The following ANK2 variants were observed in gnomAD, a reference collection of about 807,000 sequenced individuals.
ANK2 encodes the protein ankyrin 2, also known as ankyrin-2.
ANK2 carries 83 observed loss-of-function variants against 360.5 expected under a neutral mutation model. The ratio of observed to expected loss-of-function variants is 0.23; its 90% CI spans 0.19 to 0.28. The LOEUF (loss-of-function observed/expected upper bound fraction) is 0.28, where lower values mean the gene tolerates loss of function less well. Ranked by LOEUF, ANK2 falls within the 10% of genes least tolerant of loss-of-function variation. ANK2 has a pLI of 1.00. For synonymous variants in ANK2, 1,740 were observed against 1,759.5 expected (o/e 0.99, Z 0.28); for missense variants, 4,201 against 4,795.7 (o/e 0.88, Z 3.66).
chr4:112,890,859 G>T lies in ANK2; in HGVS notation c.-39-13596G>T, dbSNP rs550621389. Among the ~76,000 whole-genome samples the T allele has an allele frequency of 2.4e-3, 366 of 152,160 alleles. 2 individuals are homozygous for T. The highest frequency in any genetic ancestry group is 4.0e-3 in the Non-Finnish European group (269 of 67,996). ...TGGGATTACAGGCGTGAGCCACTAC[G>T]CCCGGCCTGTGATACACATTTCTAT... On this transcript the variant is annotated intron_variant, in intron 1 of 30. Transcript: ENST00000503271.
chr4:112,730,584 C>T, the ANK2 span, among the ~76,000 whole-genome samples: 4 of 142,564 alleles, frequency 2.8e-5, no homozygotes, highest in Non-Finnish European at 4.5e-5. Flanking sequence ...TTGCAGTGAG[C>T]CGAGATCGCA....
chr4:112,991,566 C>T (rs571194760), intron 2 of ANK2, among the ~76,000 whole-genome samples: 160 of 151,668 alleles, frequency 1.1e-3, no homozygotes, highest in Non-Finnish European at 1.8e-3. Context: ...TCAGCCACAC[C>T]CCTCGTATTC....
intron 1 of ANK2, among the ~76,000 whole-genome samples, chr4:112,835,549 G>A (rs2060819428): frequency 6.6e-6 from 1 of 152,140 alleles, no homozygotes; most frequent in Admixed American, 6.5e-5. Context: ...GGCCAGACCT[G>A]TATTTTAACC....
chr4:113,181,613 G>GA (rs2153250700), intron 2 of ANK2, among the ~76,000 whole-genome samples: 1 of 152,300 alleles, frequency 6.6e-6, no homozygotes, highest in African/African-American at 2.4e-5. Flanking sequence ...GAGAAGGAGA[G>GA]AGGGGTGGAA....
intron 26 of ANK2, 119 bp from the exon 27 acceptor site, chr4:113,330,127 T>G: frequency 1.1e-6 from 1 of 933,890 alleles, no homozygotes. Flanking sequence ...TTTACCACCA[T>G]GCATTTAAAT....
chr4:113,103,321 G>A (rs1037533434), intron 1 of ANK2, among the ~76,000 whole-genome samples: 1 of 152,044 alleles, frequency 6.6e-6, no homozygotes, highest in African/African-American at 2.4e-5. Flanking sequence ...ATTCATATAA[G>A]AAAAGCCTTG....
At chr4:112,832,503 A>G (rs183284331) in intron 1 of ANK2, among the ~76,000 whole-genome samples, 10 of 152,370 alleles carry the variant, frequency 6.6e-5, no homozygotes, top group Admixed American at 6.5e-4. Flanking sequence ...TTCATATTGT[A>G]TACTCTGTGC....
At chr4:112,735,692 TA>T in the ANK2 span, among the ~76,000 whole-genome samples, 14 of 152,160 alleles carry the variant, frequency 9.2e-5, no homozygotes, top group African/African-American at 1.9e-4. Flanking sequence ...TAAATTGTGG[TA>T]AAAAAACATA....
chr4:112,784,235 A>G, the ANK2 span, among the ~76,000 whole-genome samples: 42 of 151,540 alleles, frequency 2.8e-4, no homozygotes, highest in Non-Finnish European at 5.2e-4. Context: ...TCTCGCTTGC[A>G]GTACAGTGGT....
At chr4:112,842,708 C>T (rs886391190) in intron 1 of ANK2, among the ~76,000 whole-genome samples, 1 of 152,204 alleles carries the variant, frequency 6.6e-6, no homozygotes, top group Non-Finnish European at 1.5e-5. Flanking sequence ...ACTGGCCGCT[C>T]AGCTCCTGCT....
At position 113,192,942 on chromosome 4, in the gene ANK2, C is replaced by A. The variant is rs1038820028; in HGVS notation, c.187-3426C>A. 5.5e-3 allele frequency among the ~76,000 whole-genome samples: 670 copies of A among 121,622 alleles called. 3 individuals are homozygous for A. Among genetic ancestry groups the A allele is most frequent in the East Asian group, 0.03 (140 of 4,592 alleles). The allele number at this position is 121,622 out of a possible 152,430, so 79.8% of individuals were successfully genotyped here. On this transcript the variant is annotated intron_variant, in intron 2 of 45. Coordinates refer to ENST00000357077, the MANE Select transcript of ANK2 (RefSeq NM_001148.6). The stretch of plus-strand genomic sequence containing the variant: ...CATTATTTAAAAAAAAAAAAAAAAA[C>A]AACCCTTGATGGGGCTAGACAGGGA...
chr4:112,765,212 A>G, the ANK2 span, among the ~76,000 whole-genome samples: 2 of 152,238 alleles, frequency 1.3e-5, no homozygotes, highest in African/African-American at 4.8e-5. Context: ...TCTTAATATC[A>G]TCTAAGATCT....
intron 2 of ANK2, among the ~76,000 whole-genome samples, chr4:112,991,594 T>C (rs1578496662): frequency 2.0e-5 from 3 of 148,862 alleles, no homozygotes; most frequent in African/African-American, 7.4e-5. Flanking sequence ...AGCAAGCTTT[T>C]TTTTTTCTTT....
chr4:112,819,768 TC>T (rs2056461754), intron 1 of ANK2, among the ~76,000 whole-genome samples: 1 of 152,114 alleles, frequency 6.6e-6, no homozygotes, highest in South Asian at 2.1e-4. Context: ...CCCTACTTTC[TC>T]CTCCTTCCAT....
At chr4:113,231,882 G>C (rs1006539665) in intron 4 of ANK2, among the ~76,000 whole-genome samples, 2 of 152,196 alleles carry the variant, frequency 1.3e-5, no homozygotes, top group African/African-American at 4.8e-5. Flanking sequence ...TTACAGGCAT[G>C]AGCCACTGAG....
intron 2 of ANK2, among the ~76,000 whole-genome samples, chr4:113,023,983 G>A (rs1215370576): frequency 2.0e-5 from 3 of 152,158 alleles, no homozygotes; most frequent in Non-Finnish European, 4.4e-5. Context: ...AACAGTGAAG[G>A]AAACAGATAA....
intron 13 of ANK2, among the ~76,000 whole-genome samples, chr4:113,262,653 C>T (rs999125642): frequency 3.4e-4 from 51 of 152,124 alleles, no homozygotes; most frequent in African/African-American, 1.1e-3. Context: ...AAATAAAAAA[C>T]TACAATAAAA....
In ANK2 at chr4:113,018,428, T is replaced by C. The variant is rs182955721; in HGVS notation, c.21+113914T>C. Among the ~76,000 whole-genome samples the C allele has an allele frequency of 8.2e-4, 125 of 152,354 alleles. 1 individual carries two copies. The highest frequency in any genetic ancestry group is 2.9e-3 in the African/African-American group (122 of 41,600). ...GAATCAATGTCATAGGAGTTGGTCA[T>C]ACTCTCTTAGGAGAAAAGCCTATGT... On this transcript the variant is annotated intron_variant, in intron 2 of 30. Transcript: ENST00000503271.
chr4:112,795,494 G>A, the ANK2 span, among the ~76,000 whole-genome samples: 1 of 146,352 alleles, frequency 6.8e-6, no homozygotes, highest in East Asian at 2.3e-4. Context: ...TTAGAAAGGA[G>A]AACTAGATTA....
Sources: allele counts gnomAD v4.1 joint callset (sites outside exome capture counted in the v4.1 genomes callset), GRCh38; gene constraint gnomAD v4.1.1; transcripts MANE v1.5; gene names NCBI Gene and HGNC (gene_info 2026-07-23, HGNC 2026-07-21).